The following ARHGAP31 variants were observed in gnomAD, a reference collection of about 807,000 sequenced individuals.
ARHGAP31 encodes the protein rho GTPase-activating protein 31.
Under a neutral mutation model 113.9 loss-of-function variants are expected in ARHGAP31, and 34 were observed. The observed-to-expected ratio is 0.30, with a 90% CI of 0.23 to 0.40. The LOEUF is 0.40. ARHGAP31 is among the 10% of genes least tolerant of loss of function. ARHGAP31 has a pLI of 1.00. For missense variants in ARHGAP31, 1,548 were observed against 1,767.1 expected (o/e 0.88, Z 2.22); for synonymous variants, 650 against 684.8 (o/e 0.95, Z 0.79).
intron 1 of ARHGAP31, among the ~76,000 whole-genome samples, chr3:119,356,479 A>C (rs1181835481): frequency 6.6e-6 from 1 of 151,982 alleles, no homozygotes; most frequent in Non-Finnish European, 1.5e-5. Context: ...AAAAATACAA[A>C]AATTAGCCAG....
chr3:119,308,914 C>G (rs149293876), intron 1 of ARHGAP31, among the ~76,000 whole-genome samples: 1 of 152,136 alleles, frequency 6.6e-6, no homozygotes, highest in Non-Finnish European at 1.5e-5. Flanking sequence ...AATCTTGGCT[C>G]ACTGCAGCCT....
intron 7 of ARHGAP31, among the ~76,000 whole-genome samples, chr3:119,393,006 C>T (rs1390422564): frequency 6.6e-6 from 1 of 152,150 alleles, no homozygotes; most frequent in Non-Finnish European, 1.5e-5. Context: ...ACTTGGGAGG[C>T]TGAAGCGAGA....
chr3:119,344,211 T>C (rs1027806893), intron 1 of ARHGAP31, among the ~76,000 whole-genome samples: 1 of 152,234 alleles, frequency 6.6e-6, no homozygotes, highest in Non-Finnish European at 1.5e-5. Context: ...AAATTATTCA[T>C]TATTTATCCG....
chr3:119,385,357 T>G (rs1219545622), intron 6 of ARHGAP31, among the ~76,000 whole-genome samples: 1 of 152,176 alleles, frequency 6.6e-6, no homozygotes, highest in Non-Finnish European at 1.5e-5. Flanking sequence ...ATCCATTCCT[T>G]AGTTTGGGTT....
intron 1 of ARHGAP31, among the ~76,000 whole-genome samples, chr3:119,307,546 A>T (rs56176656): frequency 0.088 from 13,347 of 152,192 alleles, 772 homozygotes; most frequent in Non-Finnish European, 0.12. Context: ...CCTTGGGTGG[A>T]TGTATAAAAA....
In ARHGAP31 at chr3:119,297,448, C is replaced by T. The variant is rs183030593; in HGVS notation, c.100+2444C>T. ...GGAGCCAGGGGGCTGGAGAAGGGCT[C>T]CCTGGACTGACATCATGGTTACTGA... is the stretch of plus-strand genomic sequence containing the variant. On this transcript the variant is annotated intron_variant, in intron 1 of 11. Coordinates refer to ENST00000264245, the MANE Select transcript of ARHGAP31 (RefSeq NM_020754.4). 3.0e-3 allele frequency among the ~76,000 whole-genome samples: 450 copies of T among 152,266 alleles called. 3 individuals carry two copies. Among genetic ancestry groups the T allele is most frequent in the South Asian group, 4.2e-3 (20 of 4,814 alleles).
chr3:119,413,893 A>C lies in ARHGAP31; in HGVS notation c.1964A>C (p.Glu655Ala). 6.2e-7 allele frequency: 1 copy of C among 1,614,214 alleles called. No individual in the cohort carries two copies. The highest frequency in any genetic ancestry group is 8.5e-7 in the Non-Finnish European group (1 of 1,180,044). ...DDLANALIWPEIQQELKIIES... is the reference protein window; with the variant it reads ...DDLANALIWPAIQQELKIIES... ...CTGGCCAATGCCCTGATCTGGCCTG[A>C]GATTCAACAGGAGCTGAAAATCATT... Residue 655 changes from glutamate to alanine, a missense_variant, in exon 12 of 12, where the codon GAG (glutamate) becomes GCG (alanine). Coordinates refer to ENST00000264245, the MANE Select transcript of ARHGAP31 (RefSeq NM_020754.4).
chr3:119,306,591 T>A (rs143977521), intron 1 of ARHGAP31, among the ~76,000 whole-genome samples: 2 of 152,182 alleles, frequency 1.3e-5, no homozygotes, highest in East Asian at 3.9e-4. Flanking sequence ...TTTGCATAGG[T>A]TGTGTAATGT....
chr3:119,397,557 T>C (rs1477286756), intron 8 of ARHGAP31, among the ~76,000 whole-genome samples: 3 of 152,168 alleles, frequency 2.0e-5, no homozygotes, highest in African/African-American at 4.8e-5. Flanking sequence ...CTGGGGCACA[T>C]TGGAAGTGAG....
At chr3:119,321,553 T>C (rs1466100473) in intron 1 of ARHGAP31, among the ~76,000 whole-genome samples, 2 of 150,644 alleles carry the variant, frequency 1.3e-5, no homozygotes, top group African/African-American at 4.9e-5. Context: ...TGTGTATATA[T>C]ATATTATATA....
chr3:119,355,259 G>C (rs1205120176), intron 1 of ARHGAP31, among the ~76,000 whole-genome samples: 2 of 152,174 alleles, frequency 1.3e-5, no homozygotes, highest in Admixed American at 6.5e-5. Context: ...TCAAAATGGA[G>C]ATCATTTTGT....
chr3:119,379,839 A>G (rs2080379790), intron 3 of ARHGAP31, among the ~76,000 whole-genome samples: 1 of 152,216 alleles, frequency 6.6e-6, no homozygotes. Context: ...TGAAAAAGGA[A>G]AGATAGCTGT....
rs2080802579 is a variant in ARHGAP31 at position 119,419,102 on chromosome 3, CAGAT to C, written c.*2841_*2844del. The C allele has an allele frequency of 6.6e-6, 1 of 152,064 alleles. No homozygotes were observed. Among genetic ancestry groups the C allele is most frequent in the African/African-American group, 2.4e-5 (1 of 41,364 alleles). 9.4% of individuals were successfully genotyped at this position (152,064 alleles called of 1,614,324 possible). On this transcript the variant is annotated 3_prime_UTR_variant, in exon 12 of 12. Transcript: ENST00000264245. ...TCCCTGAGAATGGCTGGATGGGAAT[CAGAT>C]AGTCTGCTTCCATTCAGGAGAGGGA...
At position 119,415,118 on chromosome 3, in the gene ARHGAP31, T is replaced by C; in HGVS notation, c.3189T>C (p.Pro1063=). ...SSPQIRQGGV[P]GPESSKESSP... ...CACAGATTAGGCAAGGTGGTGTTCC[T>C]GGGCCAGAGAGCAGCAAGGAGAGTT... Residue 1063 remains proline, a synonymous_variant, in exon 12 of 12, where the codon CCT becomes CCC. Coordinates refer to ENST00000264245, the MANE Select transcript of ARHGAP31 (RefSeq NM_020754.4). 6.2e-7 allele frequency: 1 copy of C among 1,614,184 alleles called. No individual in the cohort carries two copies. The highest frequency in any genetic ancestry group is 8.5e-7 in the Non-Finnish European group (1 of 1,180,028).
In ARHGAP31 at chr3:119,317,329, C is replaced by A. The variant is rs976743860; in HGVS notation, c.100+22325C>A. Among the ~76,000 whole-genome samples, 15 of 152,098 alleles carry A rather than the reference C, an allele frequency of 9.9e-5. 1 individual carries two copies. ...GAGTAGCTGGCACTACAGGCGCCCACCACCATGTCCGGCTAATTTTTTGTA... is the reference window on the plus strand; with the variant it reads ...GAGTAGCTGGCACTACAGGCGCCCAACACCATGTCCGGCTAATTTTTTGTA... On this transcript the variant is annotated intron_variant, in intron 1 of 11. Transcript: ENST00000264245.
At chr3:119,370,961 C>G (rs2080292446) in intron 3 of ARHGAP31, among the ~76,000 whole-genome samples, 1 of 152,168 alleles carries the variant, frequency 6.6e-6, no homozygotes, top group South Asian at 2.1e-4. Context: ...ATGCTCTTTT[C>G]CCTGCAGACT....
At chr3:119,367,963 G>A (rs1047195995) in intron 2 of ARHGAP31, among the ~76,000 whole-genome samples, 26 of 151,938 alleles carry the variant, frequency 1.7e-4, no homozygotes, top group African/African-American at 3.1e-4. Context: ...GGAGATGAGC[G>A]ACAACAACCT....
chr3:119,296,056 G>A (rs1056397778), intron 1 of ARHGAP31, among the ~76,000 whole-genome samples: 3 of 152,214 alleles, frequency 2.0e-5, no homozygotes, highest in African/African-American at 7.2e-5. Flanking sequence ...TAAGGGCTGT[G>A]TAACCGTGCG....
At chr3:119,325,683 G>A (rs2079835294) in intron 1 of ARHGAP31, among the ~76,000 whole-genome samples, 1 of 152,176 alleles carries the variant, frequency 6.6e-6, no homozygotes, top group Non-Finnish European at 1.5e-5. Flanking sequence ...GGACGGAAAT[G>A]ACTTAGCCTG....
Sources: gnomAD v4.1 joint callset for allele counts (sites outside exome capture counted in the v4.1 genomes callset) on GRCh38, gnomAD v4.1.1 for gene constraint, MANE v1.5 for transcripts, NCBI Gene and HGNC (gene_info 2026-07-23, HGNC 2026-07-21) for gene names.